SPOCK1: variants seen among roughly 807,000 people sequenced by gnomAD.
SPOCK1 encodes SPARC (osteonectin), cwcv and kazal like domains proteoglycan 1.
SPOCK1 carries 23 observed loss-of-function variants against 55.3 expected under a neutral mutation model. The observed-to-expected ratio is 0.42, with a 90% CI of 0.30 to 0.59. The LOEUF (loss-of-function observed/expected upper bound fraction) is 0.59. SPOCK1 is among the 20% of genes least tolerant of loss of function. The pLI is 0.22. For missense variants in SPOCK1, 499 were observed against 552.5 expected, an observed-to-expected ratio of 0.90 and a Z score of 0.97; for synonymous variants, 226 against 221.0, an observed-to-expected ratio of 1.02 and a Z score of -0.20.
At chr5:137,297,870 G>A (rs916833886) in intron 2 of SPOCK1, among the ~76,000 whole-genome samples, 12 of 152,044 alleles carry the variant, frequency 7.9e-5, no homozygotes, top group African/African-American at 2.9e-4. Flanking sequence ...GTACAAATCG[G>A]GTAGGAATGG....
At chr5:137,388,567 TG>T (rs1751645393) in intron 2 of SPOCK1, among the ~76,000 whole-genome samples, 1 of 152,128 alleles carries the variant, frequency 6.6e-6, no homozygotes, top group African/African-American at 2.4e-5. Context: ...AACCTCTCAT[TG>T]AAGTCCACAT....
At chr5:137,260,177 G>C (rs1192762170) in intron 3 of SPOCK1, among the ~76,000 whole-genome samples, 1 of 152,162 alleles carries the variant, frequency 6.6e-6, no homozygotes, top group Non-Finnish European at 1.5e-5. Flanking sequence ...AACAGTGGCA[G>C]AGCCATGTCC....
intron 2 of SPOCK1, among the ~76,000 whole-genome samples, chr5:137,374,265 A>G (rs1433229793): frequency 2.0e-5 from 3 of 152,266 alleles, no homozygotes; most frequent in Non-Finnish European, 4.4e-5. Context: ...CATTCTTCAC[A>G]TCATAACCTC....
At chr5:137,145,295 C>G (rs1754170749) in intron 3 of SPOCK1, among the ~76,000 whole-genome samples, 1 of 152,202 alleles carries the variant, frequency 6.6e-6, no homozygotes, top group Non-Finnish European at 1.5e-5. Flanking sequence ...AAGCTCACTA[C>G]TTGGTCTCAA....
intron 2 of SPOCK1, among the ~76,000 whole-genome samples, chr5:137,404,543 C>T (rs1005102130): frequency 1.3e-4 from 19 of 150,038 alleles, no homozygotes; most frequent in African/African-American, 2.0e-4. Context: ...CCCAGTAGCT[C>T]GGATTACAGG....
At chr5:136,989,341 C>T (rs1750903793) in intron 7 of SPOCK1, among the ~76,000 whole-genome samples, 1 of 152,208 alleles carries the variant, frequency 6.6e-6, no homozygotes. Context: ...AATAATAACA[C>T]TTAGCTCAAC....
At chr5:137,460,032 G>C (rs1041669214) in intron 2 of SPOCK1, among the ~76,000 whole-genome samples, 20 of 152,218 alleles carry the variant, frequency 1.3e-4, no homozygotes, top group African/African-American at 4.6e-4. Context: ...GGAGAAGTAT[G>C]AGCGAGAAGG....
chr5:136,990,669 A>G (rs1365328766), intron 7 of SPOCK1, among the ~76,000 whole-genome samples: 1 of 151,740 alleles, frequency 6.6e-6, no homozygotes, highest in Non-Finnish European at 1.5e-5. Flanking sequence ...GCTGAATGAG[A>G]GATAATTTAC....
intron 3 of SPOCK1, among the ~76,000 whole-genome samples, chr5:137,255,278 T>C (rs985372797): frequency 2.6e-5 from 4 of 152,132 alleles, no homozygotes; most frequent in African/African-American, 9.7e-5. Flanking sequence ...TACCTGTATT[T>C]CTCCTGAATA....
intron 4 of SPOCK1, among the ~76,000 whole-genome samples, chr5:137,118,760 C>T (rs1753637199): frequency 6.6e-6 from 1 of 152,192 alleles, no homozygotes; most frequent in South Asian, 2.1e-4. Context: ...CTTTTTCTTT[C>T]AGTCACTGAA....
chr5:137,168,315 AG>A (rs1369954591), intron 3 of SPOCK1, among the ~76,000 whole-genome samples: 12 of 151,912 alleles, frequency 7.9e-5, no homozygotes, highest in African/African-American at 2.4e-4. Flanking sequence ...AACTTTCTTG[AG>A]TAAGCACAGG....
chr5:137,364,755 A>G (rs953265732), intron 2 of SPOCK1, among the ~76,000 whole-genome samples: 4 of 152,194 alleles, frequency 2.6e-5, no homozygotes, highest in Non-Finnish European at 2.9e-5. Context: ...ATTTTATACC[A>G]AGGATAGAGC....
chr5:137,108,831 A>G (rs1185581208), intron 5 of SPOCK1, among the ~76,000 whole-genome samples: 3 of 152,210 alleles, frequency 2.0e-5, no homozygotes, highest in African/African-American at 7.2e-5. Flanking sequence ...AAGTCATTGC[A>G]AAGGGGTCTC....
chr5:137,254,110 C>T (rs1454826318), intron 3 of SPOCK1, among the ~76,000 whole-genome samples: 4 of 152,150 alleles, frequency 2.6e-5, no homozygotes, highest in African/African-American at 4.8e-5. Context: ...GGATTGACCT[C>T]GCTAAAAGCA....
At chr5:137,366,771 A>G (rs1751075791) in intron 2 of SPOCK1, among the ~76,000 whole-genome samples, 1 of 152,216 alleles carries the variant, frequency 6.6e-6, no homozygotes, top group Non-Finnish European at 1.5e-5. Context: ...GGAGTCTCTC[A>G]CCGGCCTTGT....
chr5:137,360,074 C>T (rs926096755), intron 2 of SPOCK1, among the ~76,000 whole-genome samples: 2 of 152,212 alleles, frequency 1.3e-5, no homozygotes, highest in Admixed American at 1.3e-4. Context: ...TGCCATTAGT[C>T]TCTTGTTGCA....
intron 6 of SPOCK1, among the ~76,000 whole-genome samples, chr5:137,028,792 T>C (rs538336778): frequency 6.6e-5 from 10 of 151,858 alleles, no homozygotes; most frequent in Admixed American, 2.6e-4. Flanking sequence ...TTTCAAGACA[T>C]TGACACATCC....
At chr5:137,352,360 A>G (rs867456311) in intron 2 of SPOCK1, among the ~76,000 whole-genome samples, 5 of 152,218 alleles carry the variant, frequency 3.3e-5, no homozygotes, top group Non-Finnish European at 7.3e-5. Flanking sequence ...ACAGTCAACT[A>G]TTGTGGGGGC....
At chr5:137,458,627 G>A (rs1005658101) in intron 2 of SPOCK1, among the ~76,000 whole-genome samples, 2 of 152,100 alleles carry the variant, frequency 1.3e-5, no homozygotes, top group African/African-American at 4.8e-5. Flanking sequence ...TTGCTCCAAC[G>A]AAATTTCTCC....
Sources: allele counts gnomAD v4.1 joint callset (sites outside exome capture counted in the v4.1 genomes callset), GRCh38; gene constraint gnomAD v4.1.1; transcripts MANE v1.5; gene names NCBI Gene and HGNC (gene_info 2026-07-23, HGNC 2026-07-21).